The following CCDC82 variants were observed in gnomAD, a reference collection of about 807,000 sequenced individuals.
The protein encoded by CCDC82 is coiled-coil domain-containing protein 82.
Under a neutral mutation model 60.6 loss-of-function variants are expected in CCDC82, and 47 were observed. The observed-to-expected ratio is 0.77, with a 90% CI of 0.61 to 0.99. The LOEUF (loss-of-function observed/expected upper bound fraction) is 0.99. Among genes scored for constraint, CCDC82 ranks in the 50% least tolerant of loss-of-function variants. The pLI is 0.00. For synonymous variants in CCDC82, 212 were observed against 207.4 expected, an observed-to-expected ratio of 1.02 and a Z score of -0.19; for missense variants, 588 against 633.0, an observed-to-expected ratio of 0.93 and a Z score of 0.76.
At chr11:96,373,574 A>C (rs1268520016) in intron 5 of CCDC82, 107 bp from the exon 6 acceptor site, 3 of 616,918 alleles carry the variant, frequency 4.9e-6, no homozygotes, top group African/African-American at 3.9e-5. Flanking sequence ...TAGATAGCAC[A>C]AACAGCTTAA....
At chr11:96,378,551 C>G (rs569647698) in intron 5 of CCDC82, among the ~76,000 whole-genome samples, 14 of 151,904 alleles carry the variant, frequency 9.2e-5, no homozygotes, top group Non-Finnish European at 1.8e-4. Context: ...TAGATGGAGA[C>G]TAAGTGGATG....
chr11:96,372,604 G>C (rs1299547092), intron 6 of CCDC82, among the ~76,000 whole-genome samples: 1 of 146,630 alleles, frequency 6.8e-6, no homozygotes. Context: ...TTCTGTGCTA[G>C]ATGCAAGAGA....
At chr11:96,375,508 A>C (rs1446878903) in intron 5 of CCDC82, among the ~76,000 whole-genome samples, 1 of 152,204 alleles carries the variant, frequency 6.6e-6, no homozygotes, top group Non-Finnish European at 1.5e-5. Context: ...TTCAAATTGA[A>C]AAATAATATT....
At chr11:96,387,687 G>A (rs1866274689) in intron 1 of CCDC82, 74 bp from the exon 2 acceptor site, 1 of 152,154 alleles carries the variant, frequency 6.6e-6, no homozygotes, top group Non-Finnish European at 1.5e-5. Context: ...TCTCATTCAT[G>A]CTGTATTTTA....
At chr11:96,359,440 G>C (rs1326353875) in intron 8 of CCDC82, among the ~76,000 whole-genome samples, 1 of 151,962 alleles carries the variant, frequency 6.6e-6, no homozygotes, top group Non-Finnish European at 1.5e-5. Flanking sequence ...AAAGACAAAT[G>C]GTTACAAAAC....
At position 96,359,027 on chromosome 11, in the gene CCDC82, A is replaced by C. The variant is rs1373068855; in HGVS notation, c.1532T>G (p.Phe511Cys). Reference sequence around the variant, plus strand: ...CCAGCCATTTTCTTTTGACCGCCTGAAAATTCTTTCCACTGTTTCTTTAAC... The same window carrying C: ...CCAGCCATTTTCTTTTGACCGCCTGCAAATTCTTTCCACTGTTTCTTTAAC... ...EQVKETVERI[F>C]RRSKENGWIK... The change falls in exon 9 of 10, where the codon TTC (phenylalanine) becomes TGC (cysteine). Residue 511 changes from phenylalanine to cysteine, a missense_variant. Phe to Cys is a radical substitution (Grantham distance 205, BLOSUM62 -2). Transcript: ENST00000646818. The C allele has an allele frequency of 5.0e-6, 8 of 1,609,382 alleles. No individual in the cohort carries two copies. Among genetic ancestry groups the C allele is most frequent in the Non-Finnish European group, 5.9e-6 (7 of 1,178,736 alleles).
intron 8 of CCDC82, among the ~76,000 whole-genome samples, chr11:96,360,116 T>TTTAATATATA (rs974735528): frequency 6.8e-6 from 1 of 147,498 alleles, no homozygotes; most frequent in Non-Finnish European, 1.5e-5. Flanking sequence ...TTTATATATA[T>TTTAATATATA]TTAATATATA....
rs747009767 is a variant in CCDC82 at position 96,383,344 on chromosome 11, C to T, written c.916G>A (p.Asp306Asn). Reference sequence around the variant, plus strand: ...CCTTGTTGGTTTTTATTCTCTTCATCACCCTCCTCATCTTGCACTACAAAG... The same window carrying T: ...CCTTGTTGGTTTTTATTCTCTTCATTACCCTCCTCATCTTGCACTACAAAG... ...DDFVVQDEEG[D>N]EENKNQQGEK... The change falls in exon 5 of 10, where the codon GAT becomes AAT. Residue 306 changes from aspartate (D) to asparagine (N), a missense_variant. By Grantham distance (23) the Asp-to-Asn change is conservative (BLOSUM62 1). Transcript: ENST00000646818. 1 of 1,606,764 alleles carries T rather than the reference C, an allele frequency of 6.2e-7. No individual in the cohort carries two copies. Among genetic ancestry groups the T allele is most frequent in the South Asian group, 1.1e-5 (1 of 90,686 alleles).
chr11:96,388,260 C>T (rs944744472), intron 1 of CCDC82: 1 of 152,190 alleles, frequency 6.6e-6, no homozygotes, highest in Non-Finnish European at 1.5e-5. Flanking sequence ...TAAGATACCT[C>T]TTGGTCTTCA....
At chr11:96,388,435 AATGAAG>A (rs1866329646) in intron 1 of CCDC82, 1 of 152,254 alleles carries the variant, frequency 6.6e-6, no homozygotes, top group African/African-American at 2.4e-5. Context: ...TAAATAAGTG[AATGAAG>A]ATGATCAATA....
chr11:96,379,841 ATGTT>A (rs1457628632), intron 5 of CCDC82, among the ~76,000 whole-genome samples: 1 of 151,910 alleles, frequency 6.6e-6, no homozygotes, highest in Non-Finnish European at 1.5e-5. Flanking sequence ...CTAGAGATAA[ATGTT>A]TGGGAATTTC....
At chr11:96,373,245 G>T in intron 6 of CCDC82, 130 bp downstream of exon 6, 1 of 576,236 alleles carries the variant, frequency 1.7e-6, no homozygotes. Flanking sequence ...ATCCTACAGG[G>T]AAAACATTGG....
chr11:96,381,334 G>T (rs1271029231), intron 5 of CCDC82: 1 of 151,606 alleles, frequency 6.6e-6, no homozygotes, highest in East Asian at 1.9e-4. Context: ...TCATTAACTT[G>T]CAGTGTAGAG....
intron 7 of CCDC82, 72 bp from the exon 8 acceptor site, chr11:96,365,222 A>G: frequency 9.8e-7 from 1 of 1,018,106 alleles, no homozygotes. Flanking sequence ...CTAACCAATT[A>G]AAACATCTTA....
chr11:96,378,647 C>T (rs565208949), intron 5 of CCDC82, among the ~76,000 whole-genome samples: 8 of 151,910 alleles, frequency 5.3e-5, no homozygotes, highest in Non-Finnish European at 8.8e-5. Context: ...TTGATTCTGT[C>T]CCTCTGAATA....
intron 9 of CCDC82, chr11:96,357,277 T>C (rs1864395322): frequency 2.0e-6 from 2 of 985,306 alleles, no homozygotes; most frequent in Non-Finnish European, 2.4e-6. Context: ...AACAAATTTT[T>C]TAAGTGGAGA....
intron 7 of CCDC82, among the ~76,000 whole-genome samples, chr11:96,366,976 C>T (rs980980691): frequency 2.0e-5 from 3 of 152,094 alleles, no homozygotes; most frequent in Non-Finnish European, 4.4e-5. Flanking sequence ...AAGCATGCAA[C>T]AGAATTATGT....
chr11:96,366,475 G>T (rs994496791), intron 7 of CCDC82, among the ~76,000 whole-genome samples: 9 of 152,188 alleles, frequency 5.9e-5, no homozygotes, highest in African/African-American at 2.2e-4. Flanking sequence ...ATGGCATACA[G>T]GCATGGGTTT....
intron 9 of CCDC82, chr11:96,358,702 A>T: frequency 1.7e-6 from 2 of 1,186,568 alleles, no homozygotes; most frequent in Non-Finnish European, 2.2e-6. Context: ...CTTAATATAT[A>T]TGTAAGCAAT....
Sources: gnomAD v4.1 joint callset for allele counts (sites outside exome capture counted in the v4.1 genomes callset) on GRCh38, gnomAD v4.1.1 for gene constraint, MANE v1.5 for transcripts, NCBI Gene and HGNC (gene_info 2026-07-23, HGNC 2026-07-21) for gene names.